Variants in AGFG1 observed in about 807,000 individuals in gnomAD.
The protein encoded by AGFG1 is arf-GAP domain and FG repeat-containing protein 1.
In AGFG1, 10 loss-of-function variants were observed where a neutral mutation model predicts 60.6. That is an observed-to-expected ratio of 0.16 (90% confidence interval 0.10 to 0.28). The LOEUF is 0.28. AGFG1 is among the 10% of genes least tolerant of loss of function. The pLI, the probability that AGFG1 is intolerant of heterozygous loss-of-function variation, is 1.00. For missense variants in AGFG1, 537 were observed against 676.5 expected (o/e 0.79, Z 2.29); for synonymous variants, 247 against 242.9 (o/e 1.02, Z -0.16).
At chr2:227,533,454 A>G (rs943816153) in intron 6 of AGFG1, 95 bp from the exon 7 acceptor site, 8 of 1,076,018 alleles carry the variant, frequency 7.4e-6, no homozygotes, top group Non-Finnish European at 5.5e-6. Context: ...GATTGCTTAT[A>G]GGACATTTAA....
At chr2:227,532,034 CTT>C (rs1692178119) in intron 6 of AGFG1, 1 of 882,444 alleles carries the variant, frequency 1.1e-6, no homozygotes, top group African/African-American at 1.8e-5. Context: ...GATTACTTTT[CTT>C]TCAACTTTTA....
intron 2 of AGFG1, 83 bp downstream of exon 2, chr2:227,491,723 C>T (rs1024499656): frequency 7.2e-5 from 55 of 762,608 alleles, no homozygotes; most frequent in African/African-American, 4.4e-4. Flanking sequence ...TTATTTAAAA[C>T]GTTGAATTTC....
chr2:227,522,936 T>C (rs1691866522), intron 3 of AGFG1, among the ~76,000 whole-genome samples: 1 of 152,220 alleles, frequency 6.6e-6, no homozygotes, highest in African/African-American at 2.4e-5. Flanking sequence ...CCTCTTTCCA[T>C]GTCAAAGCAG....
intron 10 of AGFG1, among the ~76,000 whole-genome samples, chr2:227,542,072 G>A (rs1231914992): frequency 1.3e-5 from 2 of 151,886 alleles, no homozygotes; most frequent in Non-Finnish European, 2.9e-5. Flanking sequence ...TGAGATGAGG[G>A]GGTTTTCGAA....
intron 10 of AGFG1, among the ~76,000 whole-genome samples, chr2:227,541,592 C>T (rs1692493654): frequency 6.6e-6 from 1 of 152,182 alleles, no homozygotes; most frequent in African/African-American, 2.4e-5. Context: ...GTTTTGGTTA[C>T]TGTAGCCTTG....
At position 227,517,352 on chromosome 2, in the gene AGFG1, G is replaced by T. The variant is rs533117988; in HGVS notation, c.262-2596G>T. ...GCAATCTCGGCTCACTGCAACCTCT[G>T]ACTCCCGGGTTCAAGCGATTCTCCT... On this transcript the variant is annotated intron_variant, in intron 2 of 12. Transcript: ENST00000310078. Among the ~76,000 whole-genome samples, 204 of 152,294 alleles carry T rather than the reference G, an allele frequency of 1.3e-3. 2 individuals carry two copies. Among genetic ancestry groups the T allele is most frequent in the African/African-American group, 4.5e-3 (187 of 41,556 alleles).
intron 6 of AGFG1, among the ~76,000 whole-genome samples, chr2:227,531,825 A>T (rs1276763610): frequency 6.6e-6 from 1 of 152,166 alleles, no homozygotes; most frequent in Admixed American, 6.6e-5. Flanking sequence ...CTGTAGAGCT[A>T]AAAATGTAAG....
At chr2:227,545,059 A>G (rs1353846640) in intron 10 of AGFG1, among the ~76,000 whole-genome samples, 2 of 152,210 alleles carry the variant, frequency 1.3e-5, no homozygotes. Context: ...GTGTTTTCCA[A>G]CTTGGTTCCA....
At chr2:227,554,399 T>C (rs756464389) in intron 12 of AGFG1, 37 bp from the exon 13 acceptor site, 51 of 1,559,104 alleles carry the variant, frequency 3.3e-5, no homozygotes, top group Non-Finnish European at 3.9e-5. Flanking sequence ...TGCACTACTT[T>C]TGTCTCTTTA....
intron 4 of AGFG1, among the ~76,000 whole-genome samples, chr2:227,524,229 A>G (rs1395818539): frequency 6.6e-6 from 1 of 152,140 alleles, no homozygotes; most frequent in African/African-American, 2.4e-5. Context: ...CATGTGTTAT[A>G]CAATTTGTAA....
intron 11 of AGFG1, among the ~76,000 whole-genome samples, chr2:227,552,676 T>C (rs915021693): frequency 1.2e-4 from 18 of 151,546 alleles, no homozygotes; most frequent in African/African-American, 3.9e-4. Context: ...TTTTTTCTTT[T>C]TTTTTTTTTT....
At chr2:227,515,211 G>C (rs924787950) in intron 2 of AGFG1, among the ~76,000 whole-genome samples, 1 of 152,152 alleles carries the variant, frequency 6.6e-6, no homozygotes, top group Non-Finnish European at 1.5e-5. Flanking sequence ...GTGAGCCATC[G>C]TATTCAGCCC....
At chr2:227,532,203 A>C (rs1559191150) in intron 6 of AGFG1, 1 of 1,546,320 alleles carries the variant, frequency 6.5e-7, no homozygotes, top group Non-Finnish European at 8.7e-7. Context: ...TCTTCAGGCT[A>C]CCCACAGTAA....
chr2:227,544,945 C>G (rs563213897), intron 10 of AGFG1, among the ~76,000 whole-genome samples: 64 of 152,242 alleles, frequency 4.2e-4, no homozygotes, highest in African/African-American at 1.2e-3. Flanking sequence ...CTTGGCGTTG[C>G]TGTTCTCAGG....
At chr2:227,537,152 C>T (rs183696413) in intron 10 of AGFG1, among the ~76,000 whole-genome samples, 159 bp downstream of exon 10, 2 of 152,268 alleles carry the variant, frequency 1.3e-5, no homozygotes, top group Admixed American at 6.5e-5. Flanking sequence ...GCTGAAAGTT[C>T]ATAAAATCCT....
At chr2:227,527,821 TTATG>T (rs952372148) in intron 5 of AGFG1, among the ~76,000 whole-genome samples, 4 of 152,248 alleles carry the variant, frequency 2.6e-5, no homozygotes, top group African/African-American at 9.6e-5. Flanking sequence ...TTGTCATAGA[TTATG>T]TAAGTTAAAT....
At chr2:227,474,889 T>A (rs970424574) in intron 1 of AGFG1, among the ~76,000 whole-genome samples, 1 of 152,208 alleles carries the variant, frequency 6.6e-6, no homozygotes, top group African/African-American at 2.4e-5. Context: ...TTTTCTCTTA[T>A]ATGAAACAGT....
intron 3 of AGFG1, among the ~76,000 whole-genome samples, chr2:227,523,449 T>A (rs970532501): frequency 6.6e-6 from 1 of 152,204 alleles, no homozygotes; most frequent in Non-Finnish European, 1.5e-5. Context: ...GATGACTAAT[T>A]GTAGGTCCTC....
At chr2:227,484,076 T>A (rs1050399311) in intron 1 of AGFG1, among the ~76,000 whole-genome samples, 1 of 151,716 alleles carries the variant, frequency 6.6e-6, no homozygotes, top group African/African-American at 2.4e-5. Flanking sequence ...CTCCATTTTC[T>A]TTTATGGTCA....
Sources: gnomAD v4.1 joint callset for allele counts (sites outside exome capture counted in the v4.1 genomes callset) on GRCh38, gnomAD v4.1.1 for gene constraint, MANE v1.5 for transcripts, NCBI Gene and HGNC (gene_info 2026-07-23, HGNC 2026-07-21) for gene names.